The following SMG1 variants were observed in gnomAD, a reference collection of about 807,000 sequenced individuals.
SMG1 encodes the protein SMG1 nonsense mediated mRNA decay associated PI3K related kinase, also known as serine/threonine-protein kinase SMG1.
A neutral mutation model predicts 419.9 loss-of-function variants in SMG1; 22 were observed. That is an observed-to-expected ratio of 0.05 (90% CI 0.04 to 0.07). The LOEUF is 0.07. Ranked by LOEUF, SMG1 falls within the 10% of genes least tolerant of loss-of-function variation. The probability of loss-of-function intolerance (pLI) is 1.00; values close to 1 mark genes in which losing one functional copy is unlikely to be tolerated. For missense variants in SMG1, 3,185 were observed against 4,342.0 expected (o/e 0.73, Z 7.49); for synonymous variants, 1,538 against 1,553.5 (o/e 0.99, Z 0.23).
chr16:18,854,592 C>G (rs1368852501), intron 30 of SMG1, 64 bp downstream of exon 30: 2 of 1,439,420 alleles, frequency 1.4e-6, no homozygotes, highest in African/African-American at 2.8e-5. Context: ...CATACATACA[C>G]AGTAACATTC....
chr16:18,875,847 G>C (rs2036101455), intron 13 of SMG1: 1 of 510,134 alleles, frequency 2.0e-6, no homozygotes, highest in Non-Finnish European at 3.4e-6. Flanking sequence ...AAGCATGCTA[G>C]AGCAAATAGG....
At chr16:18,867,332 G>A (rs940547764) in intron 22 of SMG1, among the ~76,000 whole-genome samples, 5 of 151,884 alleles carry the variant, frequency 3.3e-5, no homozygotes, top group African/African-American at 4.8e-5. Context: ...TCAGGAGTTC[G>A]AGACCAGCCT....
intron 6 of SMG1, among the ~76,000 whole-genome samples, chr16:18,886,433 G>A (rs937265027): frequency 6.6e-6 from 1 of 152,116 alleles, no homozygotes; most frequent in African/African-American, 2.4e-5. Flanking sequence ...GCAGCTGTTA[G>A]AAAACATTTT....
At chr16:18,850,490 AT>A (rs2034528575) in intron 33 of SMG1, 23 bp from the exon 34 acceptor site, 1 of 1,522,734 alleles carries the variant, frequency 6.6e-7, no homozygotes, top group African/African-American at 1.4e-5. Flanking sequence ...TGTGCACAAA[AT>A]GCTATTTTAA....
chr16:18,854,244 A>AC, intron 30 of SMG1, among the ~76,000 whole-genome samples: 1 of 149,868 alleles, frequency 6.7e-6, no homozygotes, highest in Non-Finnish European at 1.5e-5. Flanking sequence ...GTTCCACCAC[A>AC]CCCCCCTAAT....
chr16:18,863,656 T>C lies in SMG1; in HGVS notation c.3689A>G (p.Tyr1230Cys), dbSNP rs761931805. The change falls in exon 25 of 63, where the codon TAT becomes TGT. Residue 1230 changes from tyrosine (Y) to cysteine (C), a missense_variant. Transcript: ENST00000446231. ...TGGAAAAAGTAAGCCTTACTTTATATAGTTGAAGTCAGCTTTCAGGTTGAG... is the reference window on the plus strand; with the variant it reads ...TGGAAAAAGTAAGCCTTACTTTATACAGTTGAAGTCAGCTTTCAGGTTGAG... ...TSLNLKADFN[Y>C]IKSLSSFESG... The C allele has an allele frequency of 5.6e-6, 9 of 1,594,134 alleles. No individual in the cohort carries two copies. In the South Asian group the frequency reaches 9.9e-5, roughly 18 times the overall value.
At chr16:18,880,070 G>C (rs1288405808) in intron 10 of SMG1, among the ~76,000 whole-genome samples, 1 of 152,126 alleles carries the variant, frequency 6.6e-6, no homozygotes, top group Non-Finnish European at 1.5e-5. Context: ...TGACAGCATG[G>C]GAATAGCCTG....
chr16:18,887,465 A>C (rs1392924210), intron 6 of SMG1, among the ~76,000 whole-genome samples: 2 of 150,262 alleles, frequency 1.3e-5, no homozygotes, highest in African/African-American at 2.4e-5. Flanking sequence ...TCAGCCTCCA[A>C]GTAGCTGGGA....
At chr16:18,914,750 T>C (rs35873055) in intron 1 of SMG1, among the ~76,000 whole-genome samples, 14,471 of 152,096 alleles carry the variant, frequency 0.095, 775 homozygotes, top group Middle Eastern at 0.18. Flanking sequence ...TGACAAGAAG[T>C]GTGTTTCCCC....
Position 18,815,659 on chromosome 16 carries a change from T to G in SMG1, c.10303-8A>C. On this transcript the variant is annotated splice_region_variant and splice_polypyrimidine_tract_variant and intron_variant, in intron 58 of 62. Transcript: ENST00000446231. ...CAGAGCAGCTTCTTCATCCTAGAATTGATAAATTAATGATTAAGAAAAATA... is the reference window on the plus strand; with the variant it reads ...CAGAGCAGCTTCTTCATCCTAGAATGGATAAATTAATGATTAAGAAAAATA... 6.2e-7 allele frequency: 1 copy of G among 1,608,350 alleles called. No homozygotes were observed. The highest frequency in any genetic ancestry group is 1.3e-5 in the African/African-American group (1 of 74,850).
At chr16:18,827,837 A>G (rs1215472077) in intron 55 of SMG1, among the ~76,000 whole-genome samples, 194 bp downstream of exon 55, 1 of 123,046 alleles carries the variant, frequency 8.1e-6, no homozygotes, top group Non-Finnish European at 1.7e-5. Flanking sequence ...GTTTTTATAT[A>G]TCTTTGGTAT....
chr16:18,827,961 C>A lies in SMG1; in HGVS notation c.9741+70G>T, dbSNP rs891226587. Reference sequence around the variant, plus strand: ...CAAATAGACACACTGAACAACAGAGCACTAACAATCATAGTATTGGTTATT... The same window carrying A: ...CAAATAGACACACTGAACAACAGAGAACTAACAATCATAGTATTGGTTATT... On this transcript the variant is annotated intron_variant, in intron 55 of 62. Coordinates refer to ENST00000446231, the MANE Select transcript of SMG1 (RefSeq NM_015092.5). The A allele has an allele frequency of 7.8e-5, 117 of 1,497,006 alleles. No homozygotes were observed. In the East Asian group the frequency reaches 1.4e-3, roughly 17 times the overall value. 92.7% of individuals were successfully genotyped at this position (1,497,006 alleles called of 1,614,324 possible).
chr16:18,876,993 G>GAACAAATACAATCACTATATTCTAAATCA, intron 12 of SMG1, 138 bp downstream of exon 12: 4 of 608,630 alleles, frequency 6.6e-6, no homozygotes, highest in Non-Finnish European at 1.1e-5. Context: ...AAACTTAAAA[G>GAACAAATACAATCACTATATTCTAAATCA]AACAAATACA....
chr16:18,900,466 T>C (rs1176252847), intron 1 of SMG1, among the ~76,000 whole-genome samples: 1 of 152,146 alleles, frequency 6.6e-6, no homozygotes, highest in Admixed American at 6.6e-5. Flanking sequence ...TTGCAGTCCA[T>C]TCTTGTAAGT....
At chr16:18,910,559 C>A (rs571444958) in intron 1 of SMG1, among the ~76,000 whole-genome samples, 6 of 151,814 alleles carry the variant, frequency 4.0e-5, no homozygotes, top group Non-Finnish European at 7.4e-5. Context: ...GAAACGAGGT[C>A]TCACTATGTT....
At chr16:18,832,242 C>G (rs1184822419) in intron 51 of SMG1, among the ~76,000 whole-genome samples, 1 of 152,170 alleles carries the variant, frequency 6.6e-6, no homozygotes, top group Non-Finnish European at 1.5e-5. Flanking sequence ...CCCTGAGTCA[C>G]TAGGCACAAA....
Position 18,869,249 on chromosome 16 carries a change from A to G in SMG1, c.2688T>C (p.Arg896=). ...LFYSCQRLDK[R]DQSTIPRNLL... is the part of the protein sequence containing the mutation. ...GATTGCGTGGAATTGTTGACTGGTC[A>G]CGCTTATCCAGTCTCTGGCAGCTAT... is the stretch of plus-strand genomic sequence containing the variant. Residue 896 remains arginine, a synonymous_variant, in exon 20 of 63, where the codon CGT becomes CGC. Coordinates refer to ENST00000446231, the MANE Select transcript of SMG1 (RefSeq NM_015092.5). The G allele has an allele frequency of 6.2e-7, 1 of 1,611,806 alleles. No homozygotes were observed. The highest frequency in any genetic ancestry group is 8.5e-7 in the Non-Finnish European group (1 of 1,179,692).
At chr16:18,818,753 C>T (rs1391224582) in intron 56 of SMG1, among the ~76,000 whole-genome samples, 2 of 136,270 alleles carry the variant, frequency 1.5e-5, no homozygotes, top group South Asian at 4.8e-4. Flanking sequence ...TGAAAATGTC[C>T]GTAATAGTTT....
intron 13 of SMG1, among the ~76,000 whole-genome samples, chr16:18,873,281 C>T (rs1200282304): frequency 1.3e-5 from 2 of 152,076 alleles, no homozygotes; most frequent in East Asian, 3.9e-4. Flanking sequence ...TGCAATGGTG[C>T]GATCTTGGCT....
Sources: gnomAD v4.1 joint callset for allele counts (sites outside exome capture counted in the v4.1 genomes callset) on GRCh38, gnomAD v4.1.1 for gene constraint, MANE v1.5 for transcripts, NCBI Gene and HGNC (gene_info 2026-07-23, HGNC 2026-07-21) for gene names.